Variants in ORC1 observed in about 807,000 individuals in gnomAD.
ORC1 encodes the protein origin recognition complex subunit 1.
A neutral mutation model predicts 98.9 loss-of-function variants in ORC1; 61 were observed. That is an observed-to-expected ratio of 0.62 (90% CI 0.50 to 0.76). ORC1 has a LOEUF of 0.76. ORC1 is among the 30% of genes least tolerant of loss of function. The pLI is 0.00. For missense variants in ORC1, 979 were observed against 1,072.2 expected (o/e 0.91, Z 1.21); for synonymous variants, 385 against 406.9 (o/e 0.95, Z 0.65).
At chr1:52,407,305 C>T (rs944553096), upstream of ORC1, among the ~76,000 whole-genome samples, 5 of 152,216 alleles carry the variant, frequency 3.3e-5, no homozygotes, top group Non-Finnish European at 5.9e-5. Context: ...CGTGAGCCAC[C>T]GCCCCTGGCT....
intron 9 of ORC1, among the ~76,000 whole-genome samples, chr1:52,385,464 C>A (rs984136728): frequency 1.3e-5 from 2 of 152,306 alleles, no homozygotes; most frequent in Admixed American, 1.3e-4. Flanking sequence ...CCACCCAAAT[C>A]ACATGGGTGG....
In ORC1 at chr1:52,384,657, A is replaced by T; in HGVS notation, c.1648T>A (p.Cys550Ser). ...KTATVHEVIR[C>S]LQQAAQANDV... is the part of the protein sequence containing the mutation. ...TTGGCTTGGGCTGCCTGCTGCAGGC[A>T]GCGTATCACTTCATGAACAGTGGCA... Residue 550 changes from cysteine (C) to serine (S), a missense_variant, in exon 11 of 17, where the codon TGC (cysteine) becomes AGC (serine). By Grantham distance (112) the Cys-to-Ser change is moderately radical. Coordinates refer to ENST00000371568, the MANE Select transcript of ORC1 (RefSeq NM_004153.4). 1 of 1,613,986 alleles carries T rather than the reference A, an allele frequency of 6.2e-7. No homozygotes were observed. Among genetic ancestry groups the T allele is most frequent in the Non-Finnish European group, 8.5e-7 (1 of 1,179,914 alleles).
chr1:52,375,554 T>C lies in ORC1; in HGVS notation c.2179A>G (p.Arg727Gly). The C allele has an allele frequency of 1.2e-6, 2 of 1,614,168 alleles. No homozygotes were observed. The highest frequency in any genetic ancestry group is 2.2e-5 in the South Asian group (2 of 91,086). Residue 727 changes from arginine to glycine, a missense_variant, in exon 15 of 17, where the codon AGG (arginine) becomes GGG (glycine). Arg to Gly is a moderately radical substitution (Grantham distance 125). Coordinates refer to ENST00000371568, the MANE Select transcript of ORC1 (RefSeq NM_004153.4). ...GDARRCLDIC[R>G]RATEICEFSQ... Reference sequence around the variant, plus strand: ...AACTCACAGATCTCTGTGGCACGCCTGCAGATGTCCAGGCACCGTCGTGCA... The same window carrying C: ...AACTCACAGATCTCTGTGGCACGCCCGCAGATGTCCAGGCACCGTCGTGCA...
intron 1 of ORC1, among the ~76,000 whole-genome samples, chr1:52,402,703 G>A (rs1569963968): frequency 6.6e-6 from 1 of 152,310 alleles, no homozygotes; most frequent in East Asian, 1.9e-4. Context: ...AGAGGCTGAG[G>A]TGGGTGGATC....
chr1:52,380,047 AGAT>A (rs1164398046), intron 14 of ORC1, among the ~76,000 whole-genome samples: 1 of 152,250 alleles, frequency 6.6e-6, no homozygotes, highest in Non-Finnish European at 1.5e-5. Context: ...TACCAAAAAT[AGAT>A]GATTACTATA....
chr1:52,404,383 C>T lies in ORC1; in HGVS notation c.-143G>A. On this transcript the variant is annotated 5_prime_UTR_variant, in exon 1 of 17. Transcript: ENST00000371568. The stretch of plus-strand genomic sequence containing the variant: ...ACAACTACGGGCCGAAAGCCAGGAC[C>T]AAAGCGTGTGTCTCACTAGAAATGA... 1 of 179,468 alleles carries T rather than the reference C, an allele frequency of 5.6e-6. No homozygotes were observed. Among genetic ancestry groups the T allele is most frequent in the South Asian group, 9.0e-5 (1 of 11,106 alleles). 11.1% of individuals were successfully genotyped at this position (179,468 alleles called of 1,614,324 possible). A position where few individuals can be genotyped will look rare whatever the true frequency, so the allele number is the denominator to read the frequency against.
At chr1:52,407,923 G>T (rs887758147), upstream of ORC1, among the ~76,000 whole-genome samples, 2 of 152,258 alleles carry the variant, frequency 1.3e-5, no homozygotes, top group Non-Finnish European at 2.9e-5. Context: ...GGGTGTGTTG[G>T]CACATGCCTA....
intron 14 of ORC1, among the ~76,000 whole-genome samples, chr1:52,376,621 C>T (rs539982287): frequency 7.2e-5 from 11 of 152,140 alleles, no homozygotes; most frequent in Non-Finnish European, 1.2e-4. Context: ...CTTCCTGCTT[C>T]GTCAGTTCTC....
chr1:52,382,666 G>A (rs1395890922), intron 13 of ORC1, among the ~76,000 whole-genome samples: 1 of 135,702 alleles, frequency 7.4e-6, no homozygotes. Flanking sequence ...CGCAACCTCC[G>A]CCTCCCGGGT....
chr1:52,408,798 T>G, upstream of ORC1: 4 of 1,317,016 alleles, frequency 3.0e-6, no homozygotes, highest in Admixed American at 2.0e-5. Flanking sequence ...CCTTTTCATC[T>G]ACATTGTTAC....
chr1:52,385,139 CT>C, intron 10 of ORC1, 21 bp downstream of exon 10: 1 of 1,503,066 alleles, frequency 6.7e-7, no homozygotes, highest in Non-Finnish European at 9.3e-7. Flanking sequence ...CCAAACTACC[CT>C]GCCTGCCTCA....
At position 52,381,781 on chromosome 1, in the gene ORC1, G is replaced by C; in HGVS notation, c.2014-20C>G. On this transcript the variant is annotated intron_variant, in intron 13 of 16. Coordinates refer to ENST00000371568, the MANE Select transcript of ORC1 (RefSeq NM_004153.4). Reference sequence around the variant, plus strand: ...AAGACCCTGGGGAGCCAAAATGACAGAGGAATAAGTTGGTTGACTGCCCAG... The same window carrying C: ...AAGACCCTGGGGAGCCAAAATGACACAGGAATAAGTTGGTTGACTGCCCAG... 1.2e-6 allele frequency: 2 copies of C among 1,611,572 alleles called. No individual in the cohort carries two copies. The highest frequency in any genetic ancestry group is 8.5e-7 in the Non-Finnish European group (1 of 1,178,528).
In ORC1 at chr1:52,383,542, C is replaced by A. The variant is rs1647101013; in HGVS notation, c.1891G>T (p.Asp631Tyr). The A allele has an allele frequency of 6.2e-7, 1 of 1,613,920 alleles. No homozygotes were observed. Among genetic ancestry groups the A allele is most frequent in the Non-Finnish European group, 8.5e-7 (1 of 1,180,038 alleles). The change falls in exon 13 of 17, where the codon GAC (aspartate) becomes TAC (tyrosine). Residue 631 changes from aspartate to tyrosine, a missense_variant. Asp to Tyr is a radical substitution (Grantham distance 160, BLOSUM62 -3). Coordinates refer to ENST00000371568, the MANE Select transcript of ORC1 (RefSeq NM_004153.4). ...CAGTCAAAGAGATTGTACATTATGT[C>A]TTGTTTGTGAGTCCACAGAAGGTCG... ...ELDLLWTHKQDIMYNLFDWPT... is the reference protein window; with the variant it reads ...ELDLLWTHKQYIMYNLFDWPT...
At chr1:52,395,526 T>C (rs1288652137) in intron 5 of ORC1, among the ~76,000 whole-genome samples, 1 of 152,098 alleles carries the variant, frequency 6.6e-6, no homozygotes, top group Admixed American at 6.5e-5. Context: ...AACACAAACT[T>C]TGATAGTTGG....
intron 6 of ORC1, among the ~76,000 whole-genome samples, chr1:52,392,215 C>A (rs548311679): frequency 2.0e-5 from 3 of 151,916 alleles, no homozygotes; most frequent in Admixed American, 6.6e-5. Context: ...CTGCAAACTC[C>A]GCCTCCCAGG....
rs773234327 is a variant in ORC1, at chr1:52,396,120, T to G, written c.647A>C (p.His216Pro). Residue 216 changes from histidine to proline, a missense_variant, in exon 5 of 17, where the codon CAC becomes CCC. Transcript: ENST00000371568. Reference sequence around the variant, plus strand: ...AGTTTGGCGAGATTTGGAGGCGGAGTGCCTTGATTCAATCCTTTTGGCCAC... The same window carrying G: ...AGTTTGGCGAGATTTGGAGGCGGAGGGCCTTGATTCAATCCTTTTGGCCAC... The part of the protein sequence containing the change: ...EHVAKRIESR[H>P]SASKSRQTPT... The G allele has an allele frequency of 6.2e-7, 1 of 1,614,078 alleles. No individual in the cohort carries two copies. The highest frequency in any genetic ancestry group is 1.3e-5 in the African/African-American group (1 of 74,996).
chr1:52,381,575 G>A, intron 14 of ORC1, 67 bp downstream of exon 14: 1 of 1,557,100 alleles, frequency 6.4e-7, no homozygotes, highest in Non-Finnish European at 8.8e-7. Flanking sequence ...CCAGCATAGG[G>A]CCTCATACCC....
chr1:52,385,192 C>A lies in ORC1; in HGVS notation c.1552G>T (p.Val518Leu). Residue 518 changes from valine to leucine, a missense_variant, in exon 10 of 17, where the codon GTG (valine) becomes TTG (leucine). Transcript: ENST00000371568. ...EQEFQDIYNF[V>L]ESKLLDHTGG... ...GTATGGTCAAGGAGTTTGCTTTCCACAAAATTGTAGATGTCTTGGAATTCC... is the reference window on the plus strand; with the variant it reads ...GTATGGTCAAGGAGTTTGCTTTCCAAAAAATTGTAGATGTCTTGGAATTCC... 1 of 1,613,964 alleles carries A rather than the reference C, an allele frequency of 6.2e-7. No individual in the cohort carries two copies.
At chr1:52,379,474 A>T (rs1557570663) in intron 14 of ORC1, among the ~76,000 whole-genome samples, 1 of 151,020 alleles carries the variant, frequency 6.6e-6, no homozygotes, top group Non-Finnish European at 1.5e-5. Context: ...CGATCTCTTG[A>T]CCTTGTGATC....
Sources: allele counts gnomAD v4.1 joint callset (sites outside exome capture counted in the v4.1 genomes callset), GRCh38; gene constraint gnomAD v4.1.1; transcripts MANE v1.5; gene names NCBI Gene and HGNC (gene_info 2026-07-23, HGNC 2026-07-21).